GUCY2F: variants seen among roughly 807,000 people sequenced by gnomAD.
GUCY2F encodes guanylate cyclase 2F, retinal.
Under a neutral mutation model 73.1 loss-of-function variants are expected in GUCY2F, and 61 were observed. The ratio of observed to expected loss-of-function variants is 0.83; its 90% CI spans 0.68 to 1.03. The LOEUF (loss-of-function observed/expected upper bound fraction) is 1.03, where lower values mean the gene tolerates loss of function less well. GUCY2F is among the 50% of genes least tolerant of loss of function. The pLI is 0.00. For missense variants in GUCY2F, 912 were observed against 854.3 expected, an observed-to-expected ratio of 1.07 and a Z score of -0.84; for synonymous variants, 331 against 307.8, an observed-to-expected ratio of 1.08 and a Z score of -0.79.
chrX:109,454,047 C>T (rs1051370894), intron 3 of GUCY2F, among the ~76,000 whole-genome samples, 188 bp from the exon 4 acceptor site: 5 of 108,049 alleles, frequency 4.6e-5, no homozygotes, highest in Admixed American at 2.0e-4. Context: ...GTTTTTTTTT[C>T]CCCCAGGCTG....
chrX:109,393,748 C>T (rs906736061), intron 12 of GUCY2F, among the ~76,000 whole-genome samples: 1 of 112,106 alleles, frequency 8.9e-6, no homozygotes, highest in Admixed American at 9.4e-5. Flanking sequence ...GGGACCTTGT[C>T]TATCTACAGT....
chrX:109,389,779 CATT>C (rs1569355953), intron 14 of GUCY2F, among the ~76,000 whole-genome samples: 2 of 111,671 alleles, frequency 1.8e-5, no homozygotes, highest in African/African-American at 3.3e-5. Context: ...TCATCATCAT[CATT>C]ATCAAATAGG....
At chrX:109,429,137 C>T (rs1931552699) in intron 8 of GUCY2F, among the ~76,000 whole-genome samples, 1 of 112,115 alleles carries the variant, frequency 8.9e-6, no homozygotes, top group African/African-American at 3.2e-5. Flanking sequence ...ATTGGCTGGG[C>T]GCGGTGGCTC....
At chrX:109,406,050 C>CTAGCA (rs1415812452) in intron 9 of GUCY2F, among the ~76,000 whole-genome samples, 1 of 111,621 alleles carries the variant, frequency 9.0e-6, no homozygotes, top group Non-Finnish European at 1.9e-5. Flanking sequence ...AAGGTCAAGA[C>CTAGCA]TATGATCAGT....
At chrX:109,385,001 A>C (rs1930402781) in intron 16 of GUCY2F, among the ~76,000 whole-genome samples, 183 bp downstream of exon 16, 1 of 111,660 alleles carries the variant, frequency 9.0e-6, no homozygotes, top group African/African-American at 3.3e-5. Flanking sequence ...ATCACCCCCT[A>C]CTGGTTTGCC....
intron 2 of GUCY2F, among the ~76,000 whole-genome samples, chrX:109,473,440 G>A (rs891789989): frequency 1.8e-5 from 2 of 111,913 alleles, no homozygotes; most frequent in African/African-American, 6.5e-5. Flanking sequence ...CTGGCTGCAC[G>A]TTACAAGCGC....
In GUCY2F at chrX:109,387,627, C is replaced by A. The variant is rs1407047915; in HGVS notation, c.2956+862G>T. On this transcript the variant is annotated intron_variant, in intron 15 of 19. Coordinates refer to ENST00000218006, the MANE Select transcript of GUCY2F (RefSeq NM_001522.3). ...GATCCTGACAGAACACTGGAGAAGA[C>A]CAATATAAGGGACAATTAGAGACAA... Among the ~76,000 whole-genome samples the A allele has an allele frequency of 3.6e-5, 4 of 111,318 alleles. No homozygotes were observed. The Admixed American group carries it at 3.8e-4, about 11-fold the overall frequency.
chrX:109,387,475 G>GTT (rs1930463278), intron 15 of GUCY2F, among the ~76,000 whole-genome samples: 1 of 112,184 alleles, frequency 8.9e-6, no homozygotes. Flanking sequence ...GATATAGAAG[G>GTT]CTGAAGCTTA....
At chrX:109,387,609 A>G (rs1930465427) in intron 15 of GUCY2F, among the ~76,000 whole-genome samples, 2 of 111,943 alleles carry the variant, frequency 1.8e-5, no homozygotes, top group South Asian at 7.5e-4. Context: ...GTGGATCCTG[A>G]CAGAACACTG....
At position 109,382,109 on chromosome X, in the gene GUCY2F, A is replaced by G. The variant is rs780292069; in HGVS notation, c.3150+9T>C. 4 of 1,076,260 alleles carry G rather than the reference A, an allele frequency of 3.7e-6. No homozygotes were observed. Among genetic ancestry groups the G allele is most frequent in the Non-Finnish European group, 5.2e-6 (4 of 774,369 alleles). 88.7% of individuals were successfully genotyped at this position (1,076,260 alleles called of 1,213,427 possible). On this transcript the variant is annotated intron_variant, in intron 17 of 19. Coordinates refer to ENST00000218006, the MANE Select transcript of GUCY2F (RefSeq NM_001522.3). ...GTAGTCTGGCTCAAAAAACAAAAAGACATTATACCTTGAGCTCTGTTCTTC... is the reference window on the plus strand; with the variant it reads ...GTAGTCTGGCTCAAAAAACAAAAAGGCATTATACCTTGAGCTCTGTTCTTC...
chrX:109,383,284 C>G (rs1930361540), intron 16 of GUCY2F: 1 of 209,566 alleles, frequency 4.8e-6, no homozygotes, highest in Non-Finnish European at 7.1e-6. Context: ...CCACAAGCAT[C>G]TGGTCTTCAG....
At position 109,388,655 on chromosome X, in the gene GUCY2F, G is replaced by C; in HGVS notation, c.2790C>G (p.Thr930=). The C allele has an allele frequency of 2.6e-6, 3 of 1,174,164 alleles. No individual in the cohort carries two copies. Among genetic ancestry groups the C allele is most frequent in the South Asian group, 3.6e-5 (2 of 55,430 alleles). The change falls in exon 15 of 20, where the codon ACC becomes ACG. Residue 930 remains threonine, a synonymous_variant. Transcript: ENST00000218006. ...IGSHDVYKVE[T]IGDAYMVASG... ...AAGCCACCATGTAGGCATCTCCAAT[G>C]GTCTCTACCTGGGAATTAGGAAAAA...
chrX:109,446,231 A>G (rs74692382), intron 6 of GUCY2F, among the ~76,000 whole-genome samples: 9 of 112,153 alleles, frequency 8.0e-5, no homozygotes, highest in African/African-American at 2.3e-4. Context: ...TGCCATCCCC[A>G]TCAAGCTACT....
At chrX:109,448,874 A>G (rs1932080898) in intron 5 of GUCY2F, among the ~76,000 whole-genome samples, 1 of 112,140 alleles carries the variant, frequency 8.9e-6, no homozygotes, top group African/African-American at 3.2e-5. Flanking sequence ...AGCATTACAG[A>G]CACAGTTTAA....
chrX:109,453,926 A>AT (rs1932199734), intron 3 of GUCY2F, 67 bp from the exon 4 acceptor site: 1 of 592,854 alleles, frequency 1.7e-6, no homozygotes, highest in African/African-American at 2.3e-5. Context: ...GTATATTCCA[A>AT]GCCTGTGTTC....
chrX:109,439,255 G>A (rs1931818323), intron 7 of GUCY2F, among the ~76,000 whole-genome samples: 1 of 111,736 alleles, frequency 8.9e-6, no homozygotes, highest in Admixed American at 9.5e-5. Context: ...GACCGCATCA[G>A]TGTCCTGGGC....
chrX:109,419,551 C>T (rs981948258), intron 8 of GUCY2F, among the ~76,000 whole-genome samples: 15 of 110,139 alleles, frequency 1.4e-4, no homozygotes, highest in African/African-American at 4.9e-4. Context: ...TAACATCAAA[C>T]CTAAAAATAA....
intron 12 of GUCY2F, 58 bp from the exon 13 acceptor site, chrX:109,393,113 A>G: frequency 1.6e-6 from 1 of 627,834 alleles, no homozygotes; most frequent in South Asian, 2.5e-5. Context: ...CTCAGAGATG[A>G]TGGAGCAGGT....
chrX:109,409,205 CCT>C, intron 8 of GUCY2F, 37 bp from the exon 9 acceptor site: 2 of 758,869 alleles, frequency 2.6e-6, no homozygotes, highest in South Asian at 4.5e-5. Flanking sequence ...TCACAGCTGT[CCT>C]GTCTCAACTG....
Sources: gnomAD v4.1 joint callset for allele counts (sites outside exome capture counted in the v4.1 genomes callset) on GRCh38, gnomAD v4.1.1 for gene constraint, MANE v1.5 for transcripts, NCBI Gene and HGNC (gene_info 2026-07-23, HGNC 2026-07-21) for gene names.